FREM1: variants seen among roughly 807,000 people sequenced by gnomAD.
FREM1 encodes FRAS1-related extracellular matrix protein 1.
FREM1 carries 220 observed loss-of-function variants against 210.1 expected under a neutral mutation model. The ratio of observed to expected loss-of-function variants is 1.05; its 90% CI spans 0.94 to 1.17. The LOEUF is 1.17. FREM1 is among the 50% of genes most tolerant of loss of function. The pLI, the probability that FREM1 is intolerant of heterozygous loss-of-function variation, is 0.00. For missense variants in FREM1, 3,454 were observed against 2,675.5 expected, an observed-to-expected ratio of 1.29 and a Z score of -6.42; for synonymous variants, 1,189 against 980.2, an observed-to-expected ratio of 1.21 and a Z score of -3.98.
Position 14,861,361 on chromosome 9 carries a change from A to G in FREM1, c.330-1877T>C, listed in dbSNP as rs1314164843. 2.2e-5 allele frequency among the ~76,000 whole-genome samples: 3 copies of G among 134,450 alleles called. 1 individual carries two copies. The highest frequency in any genetic ancestry group is 9.4e-5 in the African/African-American group (3 of 31,806). 88.2% of individuals were successfully genotyped at this position (134,450 alleles called of 152,430 possible). On this transcript the variant is annotated intron_variant, in intron 3 of 36. Coordinates refer to ENST00000380880, the MANE Select transcript of FREM1 (RefSeq NM_001379081.2). ...TACACATATATATACATATATACAC[A>G]TATATACACGTATATACATATATGT...
chr9:14,871,905 A>G (rs1443887746), intron 1 of FREM1, among the ~76,000 whole-genome samples: 2 of 152,144 alleles, frequency 1.3e-5, no homozygotes, highest in Admixed American at 1.3e-4. Flanking sequence ...TCTCAGCACC[A>G]TTCATTAAAT....
At chr9:14,809,631 T>C (rs577457071) in intron 16 of FREM1, among the ~76,000 whole-genome samples, 13 of 152,322 alleles carry the variant, frequency 8.5e-5, no homozygotes, top group African/African-American at 3.1e-4. Flanking sequence ...CTCTCACCTA[T>C]TCATATATCT....
At chr9:14,847,340 G>C (rs960602135) in intron 7 of FREM1, among the ~76,000 whole-genome samples, 1 of 150,944 alleles carries the variant, frequency 6.6e-6, no homozygotes, top group South Asian at 2.1e-4. Context: ...GATCTGCCTC[G>C]GGGTCTGTTT....
chr9:14,850,811 G>A (rs766958919), intron 6 of FREM1, among the ~76,000 whole-genome samples: 1 of 152,196 alleles, frequency 6.6e-6, no homozygotes, highest in Non-Finnish European at 1.5e-5. Flanking sequence ...GAAGGCTGTC[G>A]AAGGCTGCTG....
intron 1 of FREM1, among the ~76,000 whole-genome samples, chr9:14,878,730 T>A (rs988438080): frequency 6.6e-6 from 1 of 152,184 alleles, no homozygotes; most frequent in Non-Finnish European, 1.5e-5. Flanking sequence ...AACCCTAGTG[T>A]CTAGAACAAT....
At chr9:14,892,119 G>A (rs1287067609) in intron 1 of FREM1, among the ~76,000 whole-genome samples, 1 of 152,062 alleles carries the variant, frequency 6.6e-6, no homozygotes, top group Admixed American at 6.5e-5. Context: ...CTCTCTCTTG[G>A]GGTCTGGATT....
chr9:14,748,664 G>C, intron 30 of FREM1, 25 bp from the exon 31 acceptor site: 1 of 1,486,566 alleles, frequency 6.7e-7, no homozygotes, highest in Admixed American at 1.7e-5. Context: ...GATGGCAGGC[G>C]GTCAGTTCAT....
intron 35 of FREM1, among the ~76,000 whole-genome samples, chr9:14,746,074 T>C (rs1051008944): frequency 5.3e-5 from 8 of 152,112 alleles, no homozygotes; most frequent in African/African-American, 1.9e-4. Context: ...AACATGGCAA[T>C]GGTGCAGCTT....
chr9:14,840,155 G>T (rs1273653791), intron 10 of FREM1, among the ~76,000 whole-genome samples: 1 of 152,196 alleles, frequency 6.6e-6, no homozygotes, highest in Admixed American at 6.5e-5. Flanking sequence ...CTATGCATTA[G>T]CTAATGTCAG....
rs775053418 is a variant in FREM1 at position 14,769,836 on chromosome 9, C to T, written c.5092G>A (p.Asp1698Asn). The T allele has an allele frequency of 3.1e-5, 49 of 1,576,792 alleles. No individual in the cohort carries two copies. In the South Asian group the frequency reaches 5.3e-4, roughly 17 times the overall value. ...EFIHEKFSQK[D>N]LNSKTILYII... is the part of the protein sequence containing the mutation. ...TAAAGAATAGTCTTACTGTTTAAGTCCTTTTGGCTAAATTTCTCATGGATA... is the reference window on the plus strand; with the variant it reads ...TAAAGAATAGTCTTACTGTTTAAGTTCTTTTGGCTAAATTTCTCATGGATA... Residue 1698 changes from aspartate (D) to asparagine (N), a missense_variant, in exon 27 of 37, where the codon GAC (aspartate) becomes AAC (asparagine). Asp to Asn is a conservative substitution (Grantham distance 23, BLOSUM62 1). Coordinates refer to ENST00000380880, the MANE Select transcript of FREM1 (RefSeq NM_001379081.2).
chr9:14,814,886 T>C (rs979847750), intron 15 of FREM1, among the ~76,000 whole-genome samples: 3 of 152,196 alleles, frequency 2.0e-5, no homozygotes, highest in Admixed American at 2.0e-4. Context: ...AATAAACAGA[T>C]TGTTTTCCCA....
chr9:14,872,817 G>A (rs1238903956), intron 1 of FREM1, among the ~76,000 whole-genome samples: 1 of 151,968 alleles, frequency 6.6e-6, no homozygotes, highest in African/African-American at 2.4e-5. Context: ...GTCATAGATA[G>A]CTTTTATTAT....
intron 2 of FREM1, among the ~76,000 whole-genome samples, chr9:14,864,323 A>G (rs1889051): frequency 0.55 from 84,100 of 152,024 alleles, 26,194 homozygotes; most frequent in African/African-American, 0.85. Flanking sequence ...CCCACCCACA[A>G]ACACACTGTA....
Position 14,824,943 on chromosome 9 carries a change from G to C in FREM1, c.1931C>G (p.Ala644Gly). 1 of 1,607,094 alleles carries C rather than the reference G, an allele frequency of 6.2e-7. No homozygotes were observed. The highest frequency in any genetic ancestry group is 8.5e-7 in the Non-Finnish European group (1 of 1,178,302). ...TPVDDQLPKEAPGVSRHLVVK... is the reference protein window; with the variant it reads ...TPVDDQLPKEGPGVSRHLVVK... ...AACCAAATGCCGAGAAACTCCAGGAGCCTCTTTTGGAAGCTGGTCATCCAC... is the reference window on the plus strand; with the variant it reads ...AACCAAATGCCGAGAAACTCCAGGACCCTCTTTTGGAAGCTGGTCATCCAC... Residue 644 changes from alanine (A) to glycine (G), a missense_variant, in exon 11 of 37, where the codon GCT becomes GGT. Ala to Gly is a moderately conservative substitution (Grantham distance 60, BLOSUM62 0). Coordinates refer to ENST00000380880, the MANE Select transcript of FREM1 (RefSeq NM_001379081.2).
intron 35 of FREM1, among the ~76,000 whole-genome samples, chr9:14,742,844 C>T (rs1318967333): frequency 6.6e-6 from 1 of 152,098 alleles, no homozygotes; most frequent in Non-Finnish European, 1.5e-5. Context: ...AATAGACATA[C>T]TTGTCAGTAC....
intron 1 of FREM1, among the ~76,000 whole-genome samples, chr9:14,906,104 C>T (rs1368418018): frequency 6.6e-6 from 1 of 152,174 alleles, no homozygotes; most frequent in East Asian, 1.9e-4. Flanking sequence ...TATTAGCCGT[C>T]TCCCAAAGAA....
At chr9:14,837,106 G>A (rs1057330823) in intron 10 of FREM1, among the ~76,000 whole-genome samples, 1 of 152,090 alleles carries the variant, frequency 6.6e-6, no homozygotes, top group Non-Finnish European at 1.5e-5. Flanking sequence ...ATATGCTCCT[G>A]GCAACATGGC....
At chr9:14,820,409 T>C (rs900304761) in intron 13 of FREM1, among the ~76,000 whole-genome samples, 3 of 152,104 alleles carry the variant, frequency 2.0e-5, no homozygotes, top group Admixed American at 1.3e-4. Context: ...GATGCAGCAG[T>C]TCTCCTAGGA....
chr9:14,749,063 G>A (rs1842915758), intron 30 of FREM1, among the ~76,000 whole-genome samples: 1 of 152,160 alleles, frequency 6.6e-6, no homozygotes. Flanking sequence ...AGATGTCATA[G>A]AATTAAGTAG....
Sources: gnomAD v4.1 joint callset for allele counts (sites outside exome capture counted in the v4.1 genomes callset) on GRCh38, gnomAD v4.1.1 for gene constraint, MANE v1.5 for transcripts, NCBI Gene and HGNC (gene_info 2026-07-23, HGNC 2026-07-21) for gene names.